GRAMD1C: variants seen among roughly 807,000 people sequenced by gnomAD.
GRAMD1C encodes GRAM domain containing 1C, also known as protein Aster-C.
In GRAMD1C, 89 loss-of-function variants were observed where a neutral mutation model predicts 97.8. The observed-to-expected ratio is 0.91, with a 90% CI of 0.77 to 1.09. The LOEUF is 1.09. Ranked by LOEUF, GRAMD1C falls within the 50% of genes least tolerant of loss-of-function variation. GRAMD1C has a pLI of 0.00. For synonymous variants in GRAMD1C, 256 were observed against 267.0 expected (o/e 0.96, Z 0.40); for missense variants, 740 against 766.4 (o/e 0.97, Z 0.41).
At chr3:113,929,935 G>A (rs200092716) in intron 10 of GRAMD1C, among the ~76,000 whole-genome samples, 1 of 152,230 alleles carries the variant, frequency 6.6e-6, no homozygotes, top group African/African-American at 2.4e-5. Flanking sequence ...TGCCTAAGTC[G>A]ATTTGTGCTG....
At chr3:113,944,336 T>C (rs1280799007) in intron 17 of GRAMD1C, among the ~76,000 whole-genome samples, 5 of 152,310 alleles carry the variant, frequency 3.3e-5, no homozygotes, top group African/African-American at 1.2e-4. Flanking sequence ...GCCACGTCTC[T>C]TCATGCTGTT....
intron 6 of GRAMD1C, among the ~76,000 whole-genome samples, chr3:113,893,806 A>G (rs571262663): frequency 6.6e-6 from 1 of 152,336 alleles, no homozygotes; most frequent in Middle Eastern, 3.4e-3. Context: ...ATCAATAAAT[A>G]CTTTTTGAAT....
rs893624244 is a variant in GRAMD1C at position 113,885,729 on chromosome 3, C to T, written c.540+2897C>T. On this transcript the variant is annotated intron_variant, in intron 6 of 17. Coordinates refer to ENST00000358160, the MANE Select transcript of GRAMD1C (RefSeq NM_017577.5). Reference sequence around the variant, plus strand: ...CTATGGCTTTGCTGTGGCAGGTAAACTGGACAATAGCAGAAGCATCCTTAA... The same window carrying T: ...CTATGGCTTTGCTGTGGCAGGTAAATTGGACAATAGCAGAAGCATCCTTAA... 3 of 1,561,618 alleles carry T rather than the reference C, an allele frequency of 1.9e-6. No individual in the cohort carries two copies. In the African/African-American group the frequency reaches 4.1e-5, roughly 21 times the overall value.
chr3:113,886,032 C>T, intron 6 of GRAMD1C: 1 of 1,466,700 alleles, frequency 6.8e-7, no homozygotes, highest in East Asian at 2.6e-5. Context: ...GCTCTGGTGA[C>T]AGCTAATCCC....
At chr3:113,859,834 A>G (rs1228704846) in intron 2 of GRAMD1C, among the ~76,000 whole-genome samples, 2 of 152,208 alleles carry the variant, frequency 1.3e-5, no homozygotes, top group African/African-American at 4.8e-5. Flanking sequence ...GAATGAGCAC[A>G]AATCCTTCAA....
chr3:113,915,687 TTC>T lies in GRAMD1C; in HGVS notation c.953-12_953-11del. The T allele has an allele frequency of 1.2e-6, 2 of 1,603,050 alleles. No homozygotes were observed. The highest frequency in any genetic ancestry group is 2.2e-5 in the South Asian group (2 of 89,724). ...TGATTTCTTCTCTTTTGGTTTGTGT[TTC>T]TGTTTTTCCAGAAAATGTTCCTGAG... On this transcript the variant is annotated splice_polypyrimidine_tract_variant and intron_variant, in intron 9 of 17. Coordinates refer to ENST00000358160, the MANE Select transcript of GRAMD1C (RefSeq NM_017577.5).
At chr3:113,863,685 C>A (rs540277588) in intron 2 of GRAMD1C, among the ~76,000 whole-genome samples, 2 of 152,278 alleles carry the variant, frequency 1.3e-5, no homozygotes, top group South Asian at 4.1e-4. Context: ...GGGCCTCAGG[C>A]AGCCCTGCCT....
upstream of GRAMD1C, among the ~76,000 whole-genome samples, chr3:113,834,118 T>C (rs1231998943): frequency 6.6e-6 from 1 of 152,152 alleles, no homozygotes; most frequent in Non-Finnish European, 1.5e-5. Context: ...TGCTGAAGAG[T>C]ATATGCATTT....
At chr3:113,843,049 GTTTTTTTTTTTTTTTT>G (rs71144092) in intron 1 of GRAMD1C, among the ~76,000 whole-genome samples, 1 of 53,418 alleles carries the variant, frequency 1.9e-5, no homozygotes, top group Admixed American at 2.6e-4. Context: ...ACCATAAGCT[GTTTTTTTTTTTTTTTT>G]TTTTTTTTTT....
At chr3:113,856,302 A>G (rs528631821) in intron 2 of GRAMD1C, among the ~76,000 whole-genome samples, 2 of 152,304 alleles carry the variant, frequency 1.3e-5, no homozygotes, top group Admixed American at 6.5e-5. Context: ...TGAAGAAATA[A>G]TAGGGATCCC....
chr3:113,876,291 A>C, intron 5 of GRAMD1C, 31 bp downstream of exon 5: 2 of 1,168,988 alleles, frequency 1.7e-6, no homozygotes, highest in Admixed American at 3.6e-5. Flanking sequence ...GTTATATTAC[A>C]TAATGTGAAG....
chr3:113,943,822 G>A (rs1254758997), intron 17 of GRAMD1C, among the ~76,000 whole-genome samples: 1 of 152,194 alleles, frequency 6.6e-6, no homozygotes, highest in Non-Finnish European at 1.5e-5. Flanking sequence ...GCTGAGGCAG[G>A]AGAATTGTTT....
At chr3:113,915,599 T>C (rs904797637) in intron 9 of GRAMD1C, 102 bp from the exon 10 acceptor site, 3 of 843,446 alleles carry the variant, frequency 3.6e-6, no homozygotes, top group African/African-American at 3.4e-5. Flanking sequence ...AAAACCATTT[T>C]ATGCCCAAAA....
intron 6 of GRAMD1C, among the ~76,000 whole-genome samples, chr3:113,887,708 CAAAAAAA>C (rs1156243184): frequency 8.4e-5 from 4 of 47,536 alleles, no homozygotes; most frequent in Admixed American, 2.4e-4. Context: ...ACTCCGTCTC[CAAAAAAA>C]AAAAAAAAAA....
intron 2 of GRAMD1C, among the ~76,000 whole-genome samples, chr3:113,849,467 G>T (rs1270057562): frequency 6.6e-6 from 1 of 151,748 alleles, no homozygotes; most frequent in African/African-American, 2.4e-5. Context: ...GTGTCCCTGG[G>T]TACTTGAGAT....
intron 4 of GRAMD1C, 106 bp from the exon 5 acceptor site, chr3:113,876,059 T>C (rs537581188): frequency 9.5e-6 from 6 of 633,496 alleles, no homozygotes; most frequent in African/African-American, 7.4e-5. Flanking sequence ...CTGAAGAATA[T>C]TCAACTGTGA....
chr3:113,865,591 AAAG>A (rs1157713919), intron 2 of GRAMD1C, among the ~76,000 whole-genome samples: 1 of 152,230 alleles, frequency 6.6e-6, no homozygotes, highest in Non-Finnish European at 1.5e-5. Context: ...AACTACAAGA[AAAG>A]AAGAAATTGG....
intron 1 of GRAMD1C, among the ~76,000 whole-genome samples, chr3:113,829,413 T>C (rs891654031): frequency 8.5e-5 from 13 of 152,122 alleles, no homozygotes; most frequent in African/African-American, 2.4e-4. Context: ...CACTACACTT[T>C]AGCTTGGGTA....
upstream of GRAMD1C, among the ~76,000 whole-genome samples, chr3:113,834,533 G>A (rs1357039832): frequency 1.3e-5 from 2 of 152,124 alleles, no homozygotes; most frequent in Non-Finnish European, 2.9e-5. Flanking sequence ...AGCAGAATGC[G>A]TTTTCAAATT....
Sources: allele counts gnomAD v4.1 joint callset (sites outside exome capture counted in the v4.1 genomes callset), GRCh38; gene constraint gnomAD v4.1.1; transcripts MANE v1.5; gene names NCBI Gene and HGNC (gene_info 2026-07-23, HGNC 2026-07-21).